Variants in DNAI4 observed in about 807,000 individuals in gnomAD.
The protein encoded by DNAI4 is WD repeat domain 78.
A neutral mutation model predicts 105.8 loss-of-function variants in DNAI4; 85 were observed. The observed-to-expected ratio is 0.80, with a 90% confidence interval of 0.67 to 0.96. The LOEUF (loss-of-function observed/expected upper bound fraction) is 0.96. Ranked by LOEUF, DNAI4 falls within the 40% of genes least tolerant of loss-of-function variation. The pLI, the probability that DNAI4 is intolerant of heterozygous loss-of-function variation, is 0.00. For synonymous variants in DNAI4, 352 were observed against 331.5 expected (o/e 1.06, Z -0.67); for missense variants, 1,014 against 1,005.6 (o/e 1.01, Z -0.11).
chr1:66,862,084 A>C, intron 7 of DNAI4, 63 bp downstream of exon 7: 6 of 1,471,086 alleles, frequency 4.1e-6, no homozygotes, highest in Non-Finnish European at 5.4e-6. Context: ...ACTGCCAAAA[A>C]AGAATTTATT....
intron 12 of DNAI4, 62 bp downstream of exon 12, chr1:66,833,929 G>GT: frequency 1.3e-6 from 2 of 1,522,166 alleles, no homozygotes; most frequent in Non-Finnish European, 1.8e-6. Context: ...TTCACACATG[G>GT]TTAACTAGAA....
intron 4 of DNAI4, among the ~76,000 whole-genome samples, chr1:66,881,623 T>C (rs1287358062): frequency 6.6e-6 from 1 of 152,228 alleles, no homozygotes; most frequent in African/African-American, 2.4e-5. Flanking sequence ...AGGAAGTAAC[T>C]AACTTGCTTT....
Position 66,919,392 on chromosome 1 carries a change from A to C in DNAI4, c.170+5270T>G, listed in dbSNP as rs114529529. Among the ~76,000 whole-genome samples, 813 of 152,356 alleles carry C rather than the reference A, an allele frequency of 5.3e-3. 6 individuals carry two copies. The highest frequency in any genetic ancestry group is 6.2e-3 in the Non-Finnish European group (420 of 68,040). Reference sequence around the variant, plus strand: ...GTTCTTCCTCTATTTAAGGAGAACAAACACCTACCTTGGAAATTGGAGACA... The same window carrying C: ...GTTCTTCCTCTATTTAAGGAGAACACACACCTACCTTGGAAATTGGAGACA... On this transcript the variant is annotated intron_variant, in intron 1 of 16. Coordinates refer to ENST00000371026, the MANE Select transcript of DNAI4 (RefSeq NM_024763.5).
At chr1:66,879,893 C>A (rs1454803368) in intron 4 of DNAI4, among the ~76,000 whole-genome samples, 1 of 151,456 alleles carries the variant, frequency 6.6e-6, no homozygotes, top group Non-Finnish European at 1.5e-5. Flanking sequence ...TTGGCTGTGT[C>A]CCCACCCAAA....
Position 66,814,012 on chromosome 1 carries a change from G to T in DNAI4, c.*118C>A. ...TTTATTAAATTTAAATTAAGTGGAA[G>T]TTATACATCAAATATTGTTTTCTGA... On this transcript the variant is annotated 3_prime_UTR_variant, in exon 17 of 17. Transcript: ENST00000371026. 1.7e-6 allele frequency: 1 copy of T among 600,342 alleles called. No individual in the cohort carries two copies. The highest frequency in any genetic ancestry group is 2.7e-6 in the Non-Finnish European group (1 of 376,762). The allele number at this position is 600,342 out of a possible 1,614,324, so 37.2% of individuals were successfully genotyped here.
At chr1:66,889,840 TCTC>T (rs1238415781) in intron 4 of DNAI4, among the ~76,000 whole-genome samples, 1 of 152,150 alleles carries the variant, frequency 6.6e-6, no homozygotes, top group Non-Finnish European at 1.5e-5. Flanking sequence ...CCCTACTTCT[TCTC>T]CAAACAAGTA....
intron 1 of DNAI4, among the ~76,000 whole-genome samples, chr1:66,918,796 T>C (rs1022400198): frequency 6.6e-6 from 1 of 152,202 alleles, no homozygotes; most frequent in Non-Finnish European, 1.5e-5. Context: ...CCAAAAGATT[T>C]TTTTAAAAAG....
At chr1:66,840,909 G>T (rs111328073) in intron 8 of DNAI4, among the ~76,000 whole-genome samples, 15 of 152,320 alleles carry the variant, frequency 9.8e-5, no homozygotes, top group African/African-American at 3.6e-4. Context: ...AAATGGGCCA[G>T]TGTAGCACAT....
chr1:66,860,593 T>C (rs1231943160), intron 7 of DNAI4: 1 of 152,148 alleles, frequency 6.6e-6, no homozygotes, highest in East Asian at 1.9e-4. Context: ...TATTTTCTAT[T>C]GCAGTTATTG....
chr1:66,821,735 A>G (rs1411484701), intron 16 of DNAI4, among the ~76,000 whole-genome samples: 1 of 152,018 alleles, frequency 6.6e-6, no homozygotes, highest in Non-Finnish European at 1.5e-5. Context: ...CATATTTTTA[A>G]TATTTTAACA....
intron 9 of DNAI4, 73 bp downstream of exon 9, chr1:66,840,396 T>G: frequency 4.3e-6 from 6 of 1,409,806 alleles, no homozygotes; most frequent in Non-Finnish European, 3.0e-6. Context: ...AGGAAAACAA[T>G]TCTTCATTAT....
chr1:66,892,950 G>GAAGGAAGA (rs1553227437), intron 3 of DNAI4, among the ~76,000 whole-genome samples: 3 of 91,920 alleles, frequency 3.3e-5, no homozygotes, highest in Non-Finnish European at 6.2e-5. Flanking sequence ...AGAAGAAAGA[G>GAAGGAAGA]AAGAAAGAAA....
In DNAI4 at chr1:66,828,964, G is replaced by A. The variant is rs74901636; in HGVS notation, c.2014-1054C>T. Among the ~76,000 whole-genome samples the A allele has an allele frequency of 8.0e-3, 1,210 of 152,124 alleles. 14 individuals are homozygous for A. The highest frequency in any genetic ancestry group is 0.028 in the African/African-American group (1,163 of 41,516). ...ATCTTCAAGGTCACTGTTGAAAGTT[G>A]GGTTTCCCAGCAAATAAACTCTGAG... is the stretch of plus-strand genomic sequence containing the variant. On this transcript the variant is annotated intron_variant, in intron 13 of 16. Transcript: ENST00000371026.
intron 10 of DNAI4, among the ~76,000 whole-genome samples, chr1:66,836,210 G>A (rs11208965): frequency 0.074 from 3,303 of 44,550 alleles, 78 homozygotes; most frequent in East Asian, 0.22. Context: ...GAAAGAAAGA[G>A]AGAGAGAGAG....
chr1:66,878,669 GT>G (rs1421308108), intron 4 of DNAI4, among the ~76,000 whole-genome samples: 4 of 152,014 alleles, frequency 2.6e-5, no homozygotes, highest in African/African-American at 9.7e-5. Context: ...TTTGACACTT[GT>G]TCAATACCAC....
chr1:66,828,641 A>G (rs1432000110), intron 13 of DNAI4: 11 of 152,086 alleles, frequency 7.2e-5, no homozygotes, highest in Admixed American at 7.2e-4. Flanking sequence ...TAAGTTCTTT[A>G]TATATTCTAG....
intron 16 of DNAI4, among the ~76,000 whole-genome samples, chr1:66,814,400 T>C (rs1332221663): frequency 4.6e-5 from 7 of 152,046 alleles, no homozygotes; most frequent in Admixed American, 1.3e-4. Context: ...GACAGAGTCT[T>C]GCTCTGTCGC....
intron 7 of DNAI4, among the ~76,000 whole-genome samples, chr1:66,861,485 C>T (rs1646625257): frequency 6.6e-6 from 1 of 152,278 alleles, no homozygotes; most frequent in East Asian, 1.9e-4. Context: ...GGTTCTTCCA[C>T]ATTGCAAAGT....
chr1:66,916,365 C>T lies in DNAI4; in HGVS notation c.170+8297G>A, dbSNP rs3008849. Among the ~76,000 whole-genome samples, 666 of 152,200 alleles carry T rather than the reference C, an allele frequency of 4.4e-3. 5 individuals are homozygous for T. Among genetic ancestry groups the T allele is most frequent in the African/African-American group, 0.015 (636 of 41,526 alleles). ...TCTTTCTGTATCTACTCCTAAAGTACTTGTGACATTAAGTTACAGGGTTTT... is the reference window on the plus strand; with the variant it reads ...TCTTTCTGTATCTACTCCTAAAGTATTTGTGACATTAAGTTACAGGGTTTT... On this transcript the variant is annotated intron_variant, in intron 1 of 16. Transcript: ENST00000371026.
Sources: gnomAD v4.1 joint callset for allele counts (sites outside exome capture counted in the v4.1 genomes callset) on GRCh38, gnomAD v4.1.1 for gene constraint, MANE v1.5 for transcripts, NCBI Gene and HGNC (gene_info 2026-07-23, HGNC 2026-07-21) for gene names.